The following RC3H2 variants were observed in gnomAD, a reference collection of about 807,000 sequenced individuals.
The protein encoded by RC3H2 is ring finger and CCCH-type domains 2.
In RC3H2, 31 loss-of-function variants were observed where a neutral mutation model predicts 133.3. The ratio of observed to expected loss-of-function variants is 0.23; its 90% CI spans 0.17 to 0.31. The LOEUF is 0.31. Among genes scored for constraint, RC3H2 ranks in the 10% least tolerant of loss-of-function variants. The pLI is 1.00. For missense variants in RC3H2, 1,175 were observed against 1,437.2 expected (o/e 0.82, Z 2.95); for synonymous variants, 517 against 502.2 (o/e 1.03, Z -0.40).
Position 122,877,602 on chromosome 9 carries a change from A to G in RC3H2, c.1213-19T>C, listed in dbSNP as rs777119577. The G allele has an allele frequency of 6.3e-7, 1 of 1,582,094 alleles. No individual in the cohort carries two copies. Among genetic ancestry groups the G allele is most frequent in the South Asian group, 1.1e-5 (1 of 90,292 alleles). ...GCTGAGGCTACAAAAATGGGAACAC[A>G]TTCAATGAGTGGCAAGGTGAAGATT... On this transcript the variant is annotated intron_variant, in intron 8 of 20. Transcript: ENST00000357244.
intron 8 of RC3H2, among the ~76,000 whole-genome samples, chr9:122,878,059 T>C (rs1364505929): frequency 6.6e-6 from 1 of 152,216 alleles, no homozygotes; most frequent in Non-Finnish European, 1.5e-5. Context: ...CTTAAACTAT[T>C]TGAGTTCATA....
At chr9:122,860,182 GTCC>G in intron 10 of RC3H2, 51 bp from the exon 11 acceptor site, 1 of 1,332,218 alleles carries the variant, frequency 7.5e-7, no homozygotes, top group Non-Finnish European at 1.1e-6. Flanking sequence ...GTCTATGACT[GTCC>G]TCCTTACTAG....
intron 8 of RC3H2, among the ~76,000 whole-genome samples, chr9:122,877,831 T>C (rs991082949): frequency 6.6e-6 from 1 of 152,244 alleles, no homozygotes; most frequent in Admixed American, 6.5e-5. Context: ...TGTCCATTTA[T>C]TCATTAGTTA....
At chr9:122,903,339 C>T (rs1832728315) in intron 1 of RC3H2, among the ~76,000 whole-genome samples, 1 of 152,206 alleles carries the variant, frequency 6.6e-6, no homozygotes, top group Non-Finnish European at 1.5e-5. Flanking sequence ...TAAGTAGTTA[C>T]TAAAACCTTG....
rs756553599 is a variant in RC3H2, at chr9:122,897,406, T to A, written c.104A>T (p.His35Leu). The change falls in exon 2 of 21, where the codon CAC becomes CTC. Residue 35 changes from histidine (H) to leucine (L), a missense_variant. By Grantham distance (99) the His-to-Leu change is moderately conservative. Coordinates refer to ENST00000357244, the MANE Select transcript of RC3H2 (RefSeq NM_001100588.3). Reference protein sequence around the residue: ...VHKPISLGCSHTVCKTCLNKL... With the variant: ...VHKPISLGCSLTVCKTCLNKL... ...ATTCAAGCAGGTCTTGCAAACAGTG[T>A]GTGAACAACCTAAACTGATGGGTTT... 6.2e-7 allele frequency: 1 copy of A among 1,614,238 alleles called. No homozygotes were observed. The highest frequency in any genetic ancestry group is 8.5e-7 in the Non-Finnish European group (1 of 1,180,036).
intron 18 of RC3H2, 63 bp from the exon 19 acceptor site, chr9:122,851,499 C>A: frequency 1.3e-6 from 2 of 1,567,338 alleles, no homozygotes; most frequent in South Asian, 1.2e-5. Flanking sequence ...CTCCCTCTCC[C>A]CATGGTCTCC....
At position 122,855,890 on chromosome 9, in the gene RC3H2, AAAAT is replaced by A. The variant is rs199665420; in HGVS notation, c.2455-16_2455-13del. ...ACACTCTCTGAGAACTGGTTAAAAA[AAAAT>A]AAATAAAGCCAATTAGTAAGAAGCT... is the stretch of plus-strand genomic sequence containing the variant. On this transcript the variant is annotated splice_polypyrimidine_tract_variant and intron_variant, in intron 13 of 20. Coordinates refer to ENST00000357244, the MANE Select transcript of RC3H2 (RefSeq NM_001100588.3). 4.8e-4 allele frequency: 762 copies of A among 1,593,408 alleles called. 7 individuals are homozygous for A. In the African/African-American group the frequency reaches 8.9e-3, roughly 19 times the overall value.
At chr9:122,889,860 G>A (rs1202526074) in intron 4 of RC3H2, among the ~76,000 whole-genome samples, 1 of 152,152 alleles carries the variant, frequency 6.6e-6, no homozygotes, top group Non-Finnish European at 1.5e-5. Flanking sequence ...GATTTATATT[G>A]GCTGGGTGCA....
chr9:122,873,261 A>C (rs192007711), intron 9 of RC3H2, among the ~76,000 whole-genome samples: 91 of 152,338 alleles, frequency 6.0e-4, no homozygotes, highest in African/African-American at 2.2e-3. Context: ...CACATCACCT[A>C]CTTTTCTAAT....
intron 18 of RC3H2, among the ~76,000 whole-genome samples, chr9:122,852,094 G>A (rs541846313): frequency 6.6e-5 from 10 of 150,556 alleles, no homozygotes; most frequent in Admixed American, 3.3e-4. Context: ...GAAGTGAGGA[G>A]CGTCTCTGCC....
rs940274059 is a variant in RC3H2 at position 122,846,295 on chromosome 9, G to C, written c.*3332C>G. 2.0e-5 allele frequency: 3 copies of C among 152,116 alleles called. No homozygotes were observed. The highest frequency in any genetic ancestry group is 2.9e-5 in the Non-Finnish European group (2 of 68,000). 9.4% of individuals were successfully genotyped at this position (152,116 alleles called of 1,614,324 possible). A position where few individuals can be genotyped will look rare whatever the true frequency, so the allele number is the denominator to read the frequency against. On this transcript the variant is annotated 3_prime_UTR_variant, in exon 21 of 21. Coordinates refer to ENST00000357244, the MANE Select transcript of RC3H2 (RefSeq NM_001100588.3). ...TATTATCCTCTTACTAGAATAAATA[G>C]CTATGATGGGAAGGAAAAATCAGTG... is the stretch of plus-strand genomic sequence containing the variant.
Position 122,854,276 on chromosome 9 carries a change from G to T in RC3H2, c.2901-10C>A, listed in dbSNP as rs749947513. 8.1e-6 allele frequency: 13 copies of T among 1,597,974 alleles called. No homozygotes were observed. The highest frequency in any genetic ancestry group is 3.4e-5 in the Admixed American group (2 of 59,396). ...AACAATGAATCTGTCCCTTTAAAGAGAAATATGTTTATTGTAATAAAAGTG... is the reference window on the plus strand; with the variant it reads ...AACAATGAATCTGTCCCTTTAAAGATAAATATGTTTATTGTAATAAAAGTG... On this transcript the variant is annotated splice_polypyrimidine_tract_variant and intron_variant, in intron 16 of 20. Coordinates refer to ENST00000357244, the MANE Select transcript of RC3H2 (RefSeq NM_001100588.3).
intron 18 of RC3H2, among the ~76,000 whole-genome samples, chr9:122,853,518 G>A (rs1357484297): frequency 1.3e-5 from 2 of 152,176 alleles, no homozygotes; most frequent in Admixed American, 6.5e-5. Context: ...TTGGGAAGGT[G>A]AGGCGAGCAG....
chr9:122,883,955 T>C (rs927631483), intron 4 of RC3H2, among the ~76,000 whole-genome samples: 50 of 152,132 alleles, frequency 3.3e-4, no homozygotes, highest in Non-Finnish European at 5.9e-5. Flanking sequence ...ATCACATCAC[T>C]GCACTCCAGC....
At chr9:122,897,790 A>C (rs4292762) in intron 1 of RC3H2, 1 of 326,288 alleles carries the variant, frequency 3.1e-6, no homozygotes, top group South Asian at 5.4e-5. Flanking sequence ...CCTTTCAACT[A>C]AACTGTATTT....
At chr9:122,877,371 C>T in intron 9 of RC3H2, 100 bp downstream of exon 9, 2 of 911,770 alleles carry the variant, frequency 2.2e-6, no homozygotes, top group Non-Finnish European at 3.5e-6. Context: ...CAGCCCTTAA[C>T]TTGCATTTTT....
At chr9:122,852,439 C>G (rs1239920096) in intron 18 of RC3H2, among the ~76,000 whole-genome samples, 1 of 145,912 alleles carries the variant, frequency 6.9e-6, no homozygotes, top group African/African-American at 2.5e-5. Flanking sequence ...CCAGCCGCCC[C>G]GTCCGGGAGG....
chr9:122,885,208 G>T (rs1295256615), intron 4 of RC3H2, among the ~76,000 whole-genome samples: 1 of 152,192 alleles, frequency 6.6e-6, no homozygotes, highest in East Asian at 1.9e-4. Flanking sequence ...TAAAAGGAAA[G>T]GAGCATAAAA....
At chr9:122,884,198 C>G (rs2131469765) in intron 4 of RC3H2, among the ~76,000 whole-genome samples, 1 of 152,068 alleles carries the variant, frequency 6.6e-6, no homozygotes, top group East Asian at 1.9e-4. Context: ...GAGGCTGAGG[C>G]AGGAGAATGG....
Sources: gnomAD v4.1 joint callset for allele counts (sites outside exome capture counted in the v4.1 genomes callset) on GRCh38, gnomAD v4.1.1 for gene constraint, MANE v1.5 for transcripts, NCBI Gene and HGNC (gene_info 2026-07-23, HGNC 2026-07-21) for gene names.